The following COL4A5 variants were observed in gnomAD, a reference collection of about 807,000 sequenced individuals.
COL4A5 encodes the protein collagen alpha-5(IV) chain.
In COL4A5, 26 loss-of-function variants were observed where a neutral mutation model predicts 130.2. The ratio of observed to expected loss-of-function variants is 0.20; its 90% confidence interval spans 0.15 to 0.28. The LOEUF (loss-of-function observed/expected upper bound fraction) is 0.28. COL4A5 is among the 10% of genes least tolerant of loss of function. The probability of loss-of-function intolerance (pLI) is 1.00; values close to 1 mark genes in which losing one functional copy is unlikely to be tolerated. For synonymous variants in COL4A5, 496 were observed against 439.6 expected, an observed-to-expected ratio of 1.13 and a Z score of -1.60; for missense variants, 1,131 against 1,344.3, an observed-to-expected ratio of 0.84 and a Z score of 2.48.
In COL4A5 at chrX:108,597,479, G is replaced by A; in HGVS notation, c.1690G>A (p.Gly564Ser). ...PGMKGDKGEL[G>S]SPGAPGLPGL... ...AATGAAGGGTGACAAAGGAGAGTTG[G>A]GTTCCCCTGGAGCTCCAGGGCTTCC... The change falls in exon 24 of 53, where the codon GGT (glycine) becomes AGT (serine). Residue 564 changes from glycine (G) to serine (S), a missense_variant. Physicochemically the swap from Gly to Ser is moderately conservative, Grantham distance 56. Transcript: ENST00000328300. 8.3e-7 allele frequency: 1 copy of A among 1,210,752 alleles called. No individual in the cohort carries two copies. Among genetic ancestry groups the A allele is most frequent in the Non-Finnish European group, 1.1e-6 (1 of 895,020 alleles).
At chrX:108,606,644 ATTGTC>A (rs1363409940) in intron 28 of COL4A5, 93 bp from the exon 29 acceptor site, 38 of 933,189 alleles carry the variant, frequency 4.1e-5, no homozygotes, top group Non-Finnish European at 1.2e-5. Flanking sequence ...AAGGAAAAGT[ATTGTC>A]TTGTATTTTC....
intron 29 of COL4A5, 73 bp downstream of exon 29, chrX:108,606,965 G>C: frequency 9.3e-7 from 1 of 1,074,635 alleles, no homozygotes; most frequent in South Asian, 1.9e-5. Flanking sequence ...GAAAGTTTAT[G>C]GGTGATAAGC....
At chrX:108,637,618 A>G (rs147220525) in intron 36 of COL4A5, among the ~76,000 whole-genome samples, 1,786 of 111,828 alleles carry the variant, frequency 0.016, 16 homozygotes, top group Non-Finnish European at 0.025. Context: ...CATTACTACC[A>G]ATCTTACAGA....
At chrX:108,630,264 A>G (rs1413765051) in intron 36 of COL4A5, among the ~76,000 whole-genome samples, 2 of 111,603 alleles carry the variant, frequency 1.8e-5, no homozygotes, top group East Asian at 5.7e-4. Context: ...ACTAGTTTAC[A>G]CTCCCACCAA....
chrX:108,636,939 C>CTTTTT (rs59497827), intron 36 of COL4A5, among the ~76,000 whole-genome samples: 6 of 76,419 alleles, frequency 7.9e-5, no homozygotes, highest in African/African-American at 1.4e-4. Context: ...AATGTAATGT[C>CTTTTT]TTTTTTTTTT....
chrX:108,599,049 C>A (rs2066577959), intron 25 of COL4A5, among the ~76,000 whole-genome samples, 179 bp downstream of exon 25: 1 of 111,106 alleles, frequency 9.0e-6, no homozygotes, highest in Non-Finnish European at 1.9e-5. Flanking sequence ...CTTTTTAAAT[C>A]TTTTCTAACT....
intron 8 of COL4A5, among the ~76,000 whole-genome samples, chrX:108,573,325 T>A (rs2147758589): frequency 9.0e-6 from 1 of 111,696 alleles, no homozygotes; most frequent in East Asian, 2.8e-4. Context: ...AAATACTTAA[T>A]ATTTACTACA....
At chrX:108,560,412 A>T (rs2065883414) in intron 3 of COL4A5, among the ~76,000 whole-genome samples, 1 of 112,774 alleles carries the variant, frequency 8.9e-6, no homozygotes, top group African/African-American at 3.2e-5. Flanking sequence ...TATGTGGGCC[A>T]AGGAGTTGAG....
In COL4A5 at chrX:108,626,416, A is replaced by G. The variant is rs3747409; in HGVS notation, c.3246+67A>G. The G allele has an allele frequency of 0.025, 29,065 of 1,184,576 alleles. 2,712 individuals are homozygous for G. The African/African-American group carries it at 0.34, about 14-fold the overall frequency. ...TATGAAATTTTTTAATACTATGCTC[A>G]TTCCTAAGTTTTCATTAAACAAACT... is the stretch of plus-strand genomic sequence containing the variant. On this transcript the variant is annotated intron_variant, in intron 36 of 52. Transcript: ENST00000328300.
chrX:108,475,140 A>G (rs2064818987), intron 1 of COL4A5, among the ~76,000 whole-genome samples: 1 of 111,436 alleles, frequency 9.0e-6, no homozygotes, highest in Non-Finnish European at 1.9e-5. Context: ...GAAGAATAGC[A>G]TTTTAATTTT....
chrX:108,622,712 G>A lies in COL4A5; in HGVS notation c.2804G>A (p.Gly935Asp), dbSNP rs104886195. Reference protein sequence around the residue: ...DGLQGQPGLPGPTGEKGSKGE... With the variant: ...DGLQGQPGLPDPTGEKGSKGE... ...TTGCAGGGTCAGCCAGGACTTCCTG[G>A]CCCTACAGGAGAAAAAGGTAGTAAA... is the stretch of plus-strand genomic sequence containing the variant. Residue 935 changes from glycine to aspartate, a missense_variant, in exon 33 of 53, where the codon GGC becomes GAC. By Grantham distance (94) the Gly-to-Asp change is moderately conservative (BLOSUM62 -1). Coordinates refer to ENST00000328300, the MANE Select transcript of COL4A5 (RefSeq NM_033380.3). 8.3e-7 allele frequency: 1 copy of A among 1,211,146 alleles called. No homozygotes were observed. Among genetic ancestry groups the A allele is most frequent in the African/African-American group, 1.7e-5 (1 of 57,850 alleles).
intron 30 of COL4A5, among the ~76,000 whole-genome samples, chrX:108,618,286 T>A (rs1005656873): frequency 1.8e-5 from 2 of 111,485 alleles, no homozygotes; most frequent in African/African-American, 6.5e-5. Context: ...ATGTCTGTTA[T>A]TACTACTACT....
intron 37 of COL4A5, among the ~76,000 whole-genome samples, chrX:108,664,411 A>G (rs1329458023): frequency 8.9e-6 from 1 of 112,157 alleles, no homozygotes; most frequent in Non-Finnish European, 1.9e-5. Context: ...ATACAGAAAA[A>G]AAAATGTTTT....
intron 19 of COL4A5, 46 bp downstream of exon 19, chrX:108,586,793 T>C: frequency 8.6e-7 from 1 of 1,163,592 alleles, no homozygotes; most frequent in Non-Finnish European, 1.2e-6. Flanking sequence ...GCATCCTTAC[T>C]AATCCATGTA....
intron 36 of COL4A5, among the ~76,000 whole-genome samples, chrX:108,637,148 G>A (rs1207854667): frequency 9.2e-6 from 1 of 108,612 alleles, no homozygotes; most frequent in East Asian, 2.9e-4. Context: ...TTGGACAGTT[G>A]GTCTTGAACT....
chrX:108,624,901 T>A (rs1435374530), intron 34 of COL4A5, among the ~76,000 whole-genome samples: 1 of 111,166 alleles, frequency 9.0e-6, no homozygotes, highest in African/African-American at 3.3e-5. Flanking sequence ...TTCTTTTAGT[T>A]TGTTTCCTAA....
chrX:108,483,817 G>A (rs1425604586), intron 1 of COL4A5, among the ~76,000 whole-genome samples: 1 of 112,148 alleles, frequency 8.9e-6, no homozygotes, highest in African/African-American at 3.2e-5. Context: ...CCATTAACTG[G>A]GGTAAGGTGA....
At chrX:108,483,221 GTA>G (rs1187334096) in intron 1 of COL4A5, among the ~76,000 whole-genome samples, 91 of 86,387 alleles carry the variant, frequency 1.1e-3, no homozygotes, top group African/African-American at 3.4e-3. Context: ...GTGTGTGTGT[GTA>G]TGTGTGTGTG....
At chrX:108,600,571 T>C (rs1333672285) in intron 25 of COL4A5, among the ~76,000 whole-genome samples, 1 of 111,131 alleles carries the variant, frequency 9.0e-6, no homozygotes, top group African/African-American at 3.3e-5. Flanking sequence ...AAAATACTTA[T>C]ATAGGTAACA....
Sources: allele counts gnomAD v4.1 joint callset (sites outside exome capture counted in the v4.1 genomes callset), GRCh38; gene constraint gnomAD v4.1.1; transcripts MANE v1.5; gene names NCBI Gene and HGNC (gene_info 2026-07-23, HGNC 2026-07-21).